SPAG16: variants seen among roughly 807,000 people sequenced by gnomAD.
SPAG16 encodes sperm associated antigen 16.
In SPAG16, 86 loss-of-function variants were observed where a neutral mutation model predicts 80.4. The ratio of observed to expected loss-of-function variants is 1.07; its 90% CI spans 0.90 to 1.28. The LOEUF (loss-of-function observed/expected upper bound fraction) is 1.28, where lower values mean the gene tolerates loss of function less well. Ranked by LOEUF, SPAG16 falls within the 50% of genes most tolerant of loss-of-function variation. The pLI is 0.00. For missense variants in SPAG16, 870 were observed against 765.3 expected, an observed-to-expected ratio of 1.14 and a Z score of -1.61; for synonymous variants, 294 against 265.9, an observed-to-expected ratio of 1.11 and a Z score of -1.03.
intron 10 of SPAG16, among the ~76,000 whole-genome samples, chr2:213,631,704 A>G (rs2062158150): frequency 6.6e-6 from 1 of 152,092 alleles, no homozygotes; most frequent in Non-Finnish European, 1.5e-5. Flanking sequence ...CTGCTTACGG[A>G]TATCTGGTTT....
intron 15 of SPAG16, among the ~76,000 whole-genome samples, chr2:214,258,474 T>TAC (rs1690874652): frequency 6.8e-6 from 1 of 146,840 alleles, no homozygotes; most frequent in Non-Finnish European, 1.5e-5. Flanking sequence ...TGTGTGTGTA[T>TAC]ATATATATAT....
At chr2:214,349,826 T>C (rs754641604) in intron 15 of SPAG16, among the ~76,000 whole-genome samples, 1 of 152,230 alleles carries the variant, frequency 6.6e-6, no homozygotes, top group Non-Finnish European at 1.5e-5. Flanking sequence ...ATTTATTTTA[T>C]GACGAATAAG....
intron 9 of SPAG16, among the ~76,000 whole-genome samples, chr2:213,404,415 C>G (rs1222875701): frequency 6.6e-6 from 1 of 152,134 alleles, no homozygotes; most frequent in Non-Finnish European, 1.5e-5. Flanking sequence ...ATATCTACAA[C>G]TATCTGATCT....
At chr2:214,041,987 TATATATATATATATATATATAC>T (rs1305068275) in intron 13 of SPAG16, among the ~76,000 whole-genome samples, 1 of 119,804 alleles carries the variant, frequency 8.3e-6, no homozygotes, top group African/African-American at 3.6e-5. Flanking sequence ...TGTATATATA[TATATATATATATATATATATAC>T]ACACACACAC....
At chr2:213,763,033 T>C (rs2068744882) in intron 10 of SPAG16, among the ~76,000 whole-genome samples, 1 of 152,194 alleles carries the variant, frequency 6.6e-6, no homozygotes. Context: ...TATGTAAAGG[T>C]GCTCACCATC....
chr2:213,693,237 T>C (rs1333247036), intron 10 of SPAG16, among the ~76,000 whole-genome samples: 5 of 152,212 alleles, frequency 3.3e-5, no homozygotes, highest in Admixed American at 6.5e-5. Context: ...GTAGGGCACA[T>C]GCAACTTAAA....
At chr2:213,564,840 T>G (rs566676258) in intron 10 of SPAG16, among the ~76,000 whole-genome samples, 1 of 152,268 alleles carries the variant, frequency 6.6e-6, no homozygotes, top group South Asian at 2.1e-4. Flanking sequence ...CGTAAAACAA[T>G]TAACAGACTT....
chr2:213,611,141 G>A (rs1021433545), intron 10 of SPAG16, among the ~76,000 whole-genome samples: 3 of 152,136 alleles, frequency 2.0e-5, no homozygotes, highest in Non-Finnish European at 4.4e-5. Context: ...GGGGTTGGGG[G>A]TAGTCATGCT....
At chr2:213,947,501 A>T (rs1348667270) in intron 12 of SPAG16, among the ~76,000 whole-genome samples, 2 of 152,024 alleles carry the variant, frequency 1.3e-5, no homozygotes, top group African/African-American at 4.8e-5. Context: ...TGGTGAAGTA[A>T]CTTTAATTTC....
intron 13 of SPAG16, among the ~76,000 whole-genome samples, chr2:214,074,415 A>G (rs957724139): frequency 1.3e-5 from 2 of 152,232 alleles, no homozygotes; most frequent in Non-Finnish European, 1.5e-5. Flanking sequence ...TCCTAGATAA[A>G]CTATATACCT....
At chr2:214,332,499 C>G (rs1416445970) in intron 15 of SPAG16, among the ~76,000 whole-genome samples, 1 of 152,132 alleles carries the variant, frequency 6.6e-6, no homozygotes, top group Non-Finnish European at 1.5e-5. Context: ...TAGATGCTCT[C>G]TTGAAGACAT....
intron 10 of SPAG16, among the ~76,000 whole-genome samples, chr2:213,580,667 TA>T (rs1456998742): frequency 1.3e-5 from 2 of 152,122 alleles, no homozygotes; most frequent in African/African-American, 2.4e-5. Context: ...CTCAGAAGAA[TA>T]AAAAAGTCAT....
Position 214,073,952 on chromosome 2 carries a change from G to T in SPAG16, c.1528-34244G>T, listed in dbSNP as rs887191313. ...TGTAATTGCAATGGATTGAATGTTT[G>T]TGTCCCTTCTAAAATTGATATGTTG... On this transcript the variant is annotated intron_variant, in intron 13 of 15. Coordinates refer to ENST00000331683, the MANE Select transcript of SPAG16 (RefSeq NM_024532.5). 3.3e-5 allele frequency among the ~76,000 whole-genome samples: 5 copies of T among 152,304 alleles called. No individual in the cohort carries two copies. The South Asian group carries it at 6.2e-4, about 19-fold the overall frequency.
intron 10 of SPAG16, among the ~76,000 whole-genome samples, chr2:213,619,444 G>A (rs1327740468): frequency 6.6e-6 from 1 of 151,950 alleles, no homozygotes; most frequent in African/African-American, 2.4e-5. Context: ...GACTATATAA[G>A]GAATTCAAAC....
chr2:214,320,345 C>G (rs1696008691), intron 15 of SPAG16, among the ~76,000 whole-genome samples: 1 of 152,162 alleles, frequency 6.6e-6, no homozygotes, highest in African/African-American at 2.4e-5. Context: ...GGGGTAAGGG[C>G]CTCCCTTGCT....
In SPAG16 at chr2:213,878,773, A is replaced by G. The variant is rs189427643; in HGVS notation, c.1214+16145A>G. ...TTTTCTCTGTTTTCATCATTTTAAT[A>G]GTTTCGAGTGTTACATTTAAATTCT... On this transcript the variant is annotated intron_variant, in intron 11 of 15. Coordinates refer to ENST00000331683, the MANE Select transcript of SPAG16 (RefSeq NM_024532.5). 1.1e-4 allele frequency among the ~76,000 whole-genome samples: 17 copies of G among 152,156 alleles called. No individual in the cohort carries two copies. The East Asian group carries it at 2.9e-3, about 26-fold the overall frequency.
Position 213,916,916 on chromosome 2 carries a change from T to G in SPAG16, c.1215-13044T>G, listed in dbSNP as rs551841761. On this transcript the variant is annotated intron_variant, in intron 11 of 15. Transcript: ENST00000331683. ...TTCCTAGGTTATCTTCCAGGGTGTT[T>G]AGAATTTTATGTTTCACATTTAAGC... Among the ~76,000 whole-genome samples, 13 of 152,340 alleles carry G rather than the reference T, an allele frequency of 8.5e-5. No homozygotes were observed. The East Asian group carries it at 2.5e-3, about 29-fold the overall frequency.
intron 13 of SPAG16, among the ~76,000 whole-genome samples, chr2:214,020,650 A>T (rs1356790031): frequency 6.6e-6 from 1 of 152,156 alleles, no homozygotes; most frequent in Non-Finnish European, 1.5e-5. Context: ...AAAACTCCTA[A>T]AGGAAAAAAT....
At chr2:213,529,970 C>CAAT (rs772579426) in intron 10 of SPAG16, among the ~76,000 whole-genome samples, 56 of 152,146 alleles carry the variant, frequency 3.7e-4, no homozygotes, top group Non-Finnish European at 6.6e-4. Context: ...GATCATCAGT[C>CAAT]AATATCACTT....
Sources: gnomAD v4.1 joint callset for allele counts (sites outside exome capture counted in the v4.1 genomes callset) on GRCh38, gnomAD v4.1.1 for gene constraint, MANE v1.5 for transcripts, NCBI Gene and HGNC (gene_info 2026-07-23, HGNC 2026-07-21) for gene names.